Variants in RABGAP1L observed in about 807,000 individuals in gnomAD.
RABGAP1L encodes the protein RAB GTPase activating protein 1 like.
Under a neutral mutation model 137.7 loss-of-function variants are expected in RABGAP1L, and 63 were observed. The observed-to-expected ratio is 0.46, with a 90% CI of 0.37 to 0.56. The LOEUF is 0.56. Ranked by LOEUF, RABGAP1L falls within the 20% of genes least tolerant of loss-of-function variation. The pLI, the probability that RABGAP1L is intolerant of heterozygous loss-of-function variation, is 0.00. For missense variants in RABGAP1L, 1,095 were observed against 1,244.0 expected (o/e 0.88, Z 1.80); for synonymous variants, 431 against 433.7 (o/e 0.99, Z 0.08).
At chr1:174,578,654 T>G (rs537969306) in intron 13 of RABGAP1L, among the ~76,000 whole-genome samples, 4 of 152,184 alleles carry the variant, frequency 2.6e-5, no homozygotes, top group Non-Finnish European at 5.9e-5. Flanking sequence ...ATAAATAAAC[T>G]GATCCACTGT....
intron 7 of RABGAP1L, among the ~76,000 whole-genome samples, chr1:174,261,591 T>C (rs1202267294): frequency 6.6e-6 from 1 of 152,212 alleles, no homozygotes; most frequent in Admixed American, 6.5e-5. Flanking sequence ...CTTCTTCTCA[T>C]GAAACAGTTT....
At chr1:174,324,413 G>A (rs952111574) in intron 11 of RABGAP1L, among the ~76,000 whole-genome samples, 1 of 152,106 alleles carries the variant, frequency 6.6e-6, no homozygotes, top group Non-Finnish European at 1.5e-5. Flanking sequence ...AATGAGATAG[G>A]AAACACAGGG....
intron 13 of RABGAP1L, among the ~76,000 whole-genome samples, chr1:174,455,634 AATT>A (rs1655957490): frequency 6.6e-6 from 1 of 152,140 alleles, no homozygotes; most frequent in South Asian, 2.1e-4. Flanking sequence ...AGTTTAATAT[AATT>A]ATTAGTAGAT....
chr1:174,406,818 G>T (rs1407440734), intron 13 of RABGAP1L, among the ~76,000 whole-genome samples: 1 of 152,188 alleles, frequency 6.6e-6, no homozygotes, highest in Non-Finnish European at 1.5e-5. Flanking sequence ...GCTGAAGTGG[G>T]AGGATCACTT....
intron 13 of RABGAP1L, among the ~76,000 whole-genome samples, chr1:174,512,703 A>G (rs1662467527): frequency 6.6e-6 from 1 of 152,134 alleles, no homozygotes; most frequent in Admixed American, 6.5e-5. Context: ...TAGCCAGGTA[A>G]ATCAGAATTT....
chr1:174,699,773 G>A, intron 16 of RABGAP1L, 123 bp downstream of exon 16: 2 of 985,460 alleles, frequency 2.0e-6, no homozygotes, highest in Admixed American at 2.9e-5. Flanking sequence ...AAATGTACAT[G>A]GATTTAGTTT....
At chr1:174,780,307 A>G (rs1183050619) in intron 18 of RABGAP1L, among the ~76,000 whole-genome samples, 2 of 151,908 alleles carry the variant, frequency 1.3e-5, no homozygotes, top group African/African-American at 2.4e-5. Flanking sequence ...GATGATTCCA[A>G]CCTCACCATG....
At chr1:174,874,416 G>A in intron 19 of RABGAP1L, 1 of 969,772 alleles carries the variant, frequency 1.0e-6, no homozygotes, top group Non-Finnish European at 1.2e-6. Flanking sequence ...GGGACGGACA[G>A]CTAGCTAGTT....
intron 1 of RABGAP1L, among the ~76,000 whole-genome samples, chr1:174,181,242 G>C (rs1167925837): frequency 1.3e-5 from 2 of 151,998 alleles, no homozygotes; most frequent in Non-Finnish European, 2.9e-5. Flanking sequence ...CTATGCTTAA[G>C]TGATCCTCTC....
intron 11 of RABGAP1L, among the ~76,000 whole-genome samples, chr1:174,370,369 A>C (rs1391609467): frequency 6.6e-6 from 1 of 151,644 alleles, no homozygotes; most frequent in East Asian, 1.9e-4. Context: ...AAATCAACCC[A>C]TATTGTTTCT....
chr1:174,717,042 A>G (rs1402692329), intron 17 of RABGAP1L, among the ~76,000 whole-genome samples: 1 of 152,196 alleles, frequency 6.6e-6, no homozygotes, highest in East Asian at 1.9e-4. Context: ...ACAGAGAAGA[A>G]TTAGTGCATT....
rs2149403289 is a variant in RABGAP1L, at chr1:174,991,394, T to C, written c.*1393T>C. ...ATTATTTGCAAAGAATCTTAAACTC[T>C]GTAGTGCCAGAATGATTCTCATCTG... On this transcript the variant is annotated 3_prime_UTR_variant, in exon 26 of 26. Coordinates refer to ENST00000681986, the MANE Select transcript of RABGAP1L (RefSeq NM_001366446.1). 1 of 152,362 alleles carries C rather than the reference T, an allele frequency of 6.6e-6. No homozygotes were observed. The highest frequency in any genetic ancestry group is 6.5e-5 in the Admixed American group (1 of 15,310). 9.4% of individuals were successfully genotyped at this position (152,362 alleles called of 1,614,324 possible).
intron 1 of RABGAP1L, among the ~76,000 whole-genome samples, chr1:174,177,353 T>G (rs1571386851): frequency 6.6e-6 from 1 of 152,178 alleles, no homozygotes; most frequent in Non-Finnish European, 1.5e-5. Context: ...TAAATTTGTT[T>G]AAGTTTCTTG....
At chr1:174,196,303 A>G (rs1667684968) in intron 1 of RABGAP1L, among the ~76,000 whole-genome samples, 1 of 148,820 alleles carries the variant, frequency 6.7e-6, no homozygotes, top group African/African-American at 2.5e-5. Context: ...GGCTCACTGC[A>G]AGCTCTGCCT....
At chr1:174,816,433 A>C (rs1227874244) in intron 19 of RABGAP1L, among the ~76,000 whole-genome samples, 1 of 152,146 alleles carries the variant, frequency 6.6e-6, no homozygotes, top group Non-Finnish European at 1.5e-5. Flanking sequence ...GGCGTGAGCC[A>C]CCACACCAGG....
At chr1:174,618,150 C>T (rs906641300) in intron 13 of RABGAP1L, among the ~76,000 whole-genome samples, 11 of 152,262 alleles carry the variant, frequency 7.2e-5, no homozygotes, top group Admixed American at 1.3e-4. Flanking sequence ...CTGGGAAGCT[C>T]GAACTGAGTG....
intron 13 of RABGAP1L, among the ~76,000 whole-genome samples, chr1:174,550,983 C>CATATAT (rs1240073255): frequency 2.4e-5 from 2 of 83,424 alleles, no homozygotes; most frequent in Non-Finnish European, 3.9e-5. Flanking sequence ...TGTATATATA[C>CATATAT]ATATATATAT....
At chr1:174,661,727 C>T (rs145735381) in intron 14 of RABGAP1L, among the ~76,000 whole-genome samples, 78 of 152,110 alleles carry the variant, frequency 5.1e-4, no homozygotes, top group African/African-American at 1.6e-3. Context: ...CATCCTGTAA[C>T]GACATTTCAG....
intron 19 of RABGAP1L, among the ~76,000 whole-genome samples, chr1:174,940,730 C>G (rs1392206628): frequency 5.3e-5 from 8 of 152,222 alleles, no homozygotes; most frequent in Non-Finnish European, 1.0e-4. Flanking sequence ...AAAGACAGTT[C>G]TAACGTCAGA....
Sources: gnomAD v4.1 joint callset for allele counts (sites outside exome capture counted in the v4.1 genomes callset) on GRCh38, gnomAD v4.1.1 for gene constraint, MANE v1.5 for transcripts, NCBI Gene and HGNC (gene_info 2026-07-23, HGNC 2026-07-21) for gene names.